The following MAGI2 variants were observed in gnomAD, a reference collection of about 807,000 sequenced individuals.
MAGI2 encodes membrane associated guanylate kinase, WW and PDZ domain containing 2, also known as membrane-associated guanylate kinase, WW and PDZ domain-containing protein 2.
In MAGI2, 35 loss-of-function variants were observed where a neutral mutation model predicts 133.3. The ratio of observed to expected loss-of-function variants is 0.26; its 90% CI spans 0.20 to 0.35. The LOEUF (loss-of-function observed/expected upper bound fraction) is 0.35. Ranked by LOEUF, MAGI2 falls within the 10% of genes least tolerant of loss-of-function variation. MAGI2 has a pLI of 1.00. For synonymous variants in MAGI2, 729 were observed against 710.6 expected (o/e 1.03, Z -0.41); for missense variants, 1,636 against 1,863.4 (o/e 0.88, Z 2.25).
At chr7:79,309,716 T>C (rs1210631660) in intron 1 of MAGI2, among the ~76,000 whole-genome samples, 1 of 151,800 alleles carries the variant, frequency 6.6e-6, no homozygotes, top group African/African-American at 2.4e-5. Context: ...TCTTTCATCG[T>C]TTATGATGTT....
intron 2 of MAGI2, among the ~76,000 whole-genome samples, chr7:78,861,002 T>A (rs1794112216): frequency 6.6e-6 from 1 of 152,168 alleles, no homozygotes; most frequent in African/African-American, 2.4e-5. Context: ...ACTGCTGTGC[T>A]TGCAGTGAGT....
At chr7:78,427,486 A>C (rs1220929318) in intron 6 of MAGI2, among the ~76,000 whole-genome samples, 1 of 152,154 alleles carries the variant, frequency 6.6e-6, no homozygotes, top group Non-Finnish European at 1.5e-5. Flanking sequence ...AGAGATAATG[A>C]GGAATATTTC....
intron 2 of MAGI2, among the ~76,000 whole-genome samples, chr7:78,999,009 C>T (rs995453147): frequency 2.0e-5 from 3 of 152,070 alleles, no homozygotes; most frequent in Admixed American, 2.0e-4. Flanking sequence ...CTGGCTTTTC[C>T]AGAGACAAAA....
intron 2 of MAGI2, among the ~76,000 whole-genome samples, chr7:78,634,596 G>A (rs1809430153): frequency 6.6e-6 from 1 of 152,152 alleles, no homozygotes; most frequent in Non-Finnish European, 1.5e-5. Flanking sequence ...GCAGCTAAAG[G>A]TAATTAATAT....
chr7:79,399,095 C>CTTTTTTTTTTTTTTTTT (rs767332496), intron 1 of MAGI2, among the ~76,000 whole-genome samples: 25 of 106,278 alleles, frequency 2.4e-4, no homozygotes, highest in Middle Eastern at 4.8e-3. Flanking sequence ...TTTTTCTTTT[C>CTTTTTTTTTTTTTTTTT]TTTTTTTTTT....
chr7:79,221,762 T>C (rs1697351388), intron 1 of MAGI2, among the ~76,000 whole-genome samples: 1 of 151,950 alleles, frequency 6.6e-6, no homozygotes, highest in African/African-American at 2.4e-5. Context: ...AATTTTATAG[T>C]TTTAGAATGG....
chr7:78,199,304 G>T (rs1233398382), intron 11 of MAGI2, among the ~76,000 whole-genome samples: 2 of 152,194 alleles, frequency 1.3e-5, no homozygotes, highest in Admixed American at 6.5e-5. Flanking sequence ...TAATAGTTTA[G>T]TCAACTATGT....
At chr7:78,921,708 T>C (rs1315962234) in intron 2 of MAGI2, among the ~76,000 whole-genome samples, 2 of 152,170 alleles carry the variant, frequency 1.3e-5, no homozygotes, top group Non-Finnish European at 2.9e-5. Context: ...CTTGGCTCAC[T>C]GCAACCTCCA....
intron 16 of MAGI2, among the ~76,000 whole-genome samples, chr7:78,152,022 C>T (rs1399279268): frequency 6.6e-6 from 1 of 151,934 alleles, no homozygotes; most frequent in Admixed American, 6.6e-5. Context: ...TTAAGCAACT[C>T]ACAACTTTTG....
At chr7:78,224,325 A>G (rs1789134231) in intron 10 of MAGI2, among the ~76,000 whole-genome samples, 1 of 152,006 alleles carries the variant, frequency 6.6e-6, no homozygotes, top group Admixed American at 6.6e-5. Flanking sequence ...AAAGCTCTCC[A>G]CTCGTTAGTC....
chr7:78,285,277 T>C (rs1305446787), intron 9 of MAGI2, among the ~76,000 whole-genome samples: 1 of 152,214 alleles, frequency 6.6e-6, no homozygotes, highest in Non-Finnish European at 1.5e-5. Flanking sequence ...AACTCCTTTG[T>C]ATCCTTAGAT....
chr7:78,625,682 C>T (rs1372238158), intron 3 of MAGI2, among the ~76,000 whole-genome samples: 4 of 152,174 alleles, frequency 2.6e-5, no homozygotes, highest in Admixed American at 1.3e-4. Flanking sequence ...GAGCAACTTA[C>T]AGTCCTGCAA....
intron 20 of MAGI2, among the ~76,000 whole-genome samples, chr7:78,083,386 GGGA>G (rs1269652694): frequency 3.9e-5 from 2 of 51,090 alleles, no homozygotes; most frequent in East Asian, 1.1e-3. Flanking sequence ...GAGGGAGGGG[GGGA>G]GAGAGAGAGA....
Position 79,053,608 on chromosome 7 carries a change from G to A in MAGI2, c.302-46402C>T, listed in dbSNP as rs73367301. On this transcript the variant is annotated intron_variant, in intron 1 of 21. Coordinates refer to ENST00000354212, the MANE Select transcript of MAGI2 (RefSeq NM_012301.4). ...TACACTAATATGGAATGTATCCTAA[G>A]TATTTATAATCAGGCTTAATATTAT... is the stretch of plus-strand genomic sequence containing the variant. Among the ~76,000 whole-genome samples, 537 of 152,064 alleles carry A rather than the reference G, an allele frequency of 3.5e-3. 5 individuals are homozygous for A. Among genetic ancestry groups the A allele is most frequent in the African/African-American group, 0.012 (510 of 41,498 alleles).
intron 2 of MAGI2, among the ~76,000 whole-genome samples, chr7:78,894,086 A>T (rs925342018): frequency 4.6e-5 from 7 of 152,240 alleles, no homozygotes; most frequent in Non-Finnish European, 2.9e-5. Context: ...AGGAAAAGAA[A>T]GTAACCAGAT....
At chr7:79,096,951 CG>C (rs1403197496) in intron 1 of MAGI2, among the ~76,000 whole-genome samples, 4 of 152,082 alleles carry the variant, frequency 2.6e-5, no homozygotes, top group Admixed American at 2.6e-4. Flanking sequence ...AAATGTTATT[CG>C]TTATCTCCCC....
At position 78,017,517 on chromosome 7, in the gene MAGI2, C is replaced by T. The variant is rs1584839492; in HGVS notation, c.*1798G>A. On this transcript the variant is annotated 3_prime_UTR_variant, in exon 22 of 22. Coordinates refer to ENST00000354212, the MANE Select transcript of MAGI2 (RefSeq NM_012301.4). ...AAAACCAGATTCAATAAATTAATGGCAAACTATACTGGATTTCTAGTCCAG... is the reference window on the plus strand; with the variant it reads ...AAAACCAGATTCAATAAATTAATGGTAAACTATACTGGATTTCTAGTCCAG... The T allele has an allele frequency of 2.6e-5, 4 of 152,606 alleles. No homozygotes were observed. Among genetic ancestry groups the T allele is most frequent in the Admixed American group, 2.6e-4 (4 of 15,286 alleles). 9.5% of individuals were successfully genotyped at this position (152,606 alleles called of 1,614,324 possible).
intron 1 of MAGI2, among the ~76,000 whole-genome samples, chr7:79,067,503 G>A (rs1318034267): frequency 6.6e-6 from 1 of 152,122 alleles, no homozygotes. Context: ...GGAGATTCAG[G>A]GCTGAGATGA....
intron 9 of MAGI2, among the ~76,000 whole-genome samples, chr7:78,300,562 C>A (rs1209202349): frequency 1.3e-5 from 2 of 152,186 alleles, no homozygotes; most frequent in Non-Finnish European, 2.9e-5. Context: ...ATATCAAGCC[C>A]ATTCACAGAT....
Sources: allele counts gnomAD v4.1 joint callset (sites outside exome capture counted in the v4.1 genomes callset), GRCh38; gene constraint gnomAD v4.1.1; transcripts MANE v1.5; gene names NCBI Gene and HGNC (gene_info 2026-07-23, HGNC 2026-07-21).